Variants in TBC1D30 observed in about 807,000 individuals in gnomAD.
TBC1D30 encodes the protein TBC1 domain family, member 30.
In TBC1D30, 31 loss-of-function variants were observed where a neutral mutation model predicts 63.2. The ratio of observed to expected loss-of-function variants is 0.49; its 90% CI spans 0.37 to 0.66. The LOEUF (loss-of-function observed/expected upper bound fraction) is 0.66, where lower values mean the gene tolerates loss of function less well. TBC1D30 is among the 30% of genes least tolerant of loss of function. TBC1D30 has a pLI of 0.00. For synonymous variants in TBC1D30, 307 were observed against 361.5 expected (o/e 0.85, Z 1.71); for missense variants, 810 against 953.6 (o/e 0.85, Z 1.98).
intron 1 of TBC1D30, among the ~76,000 whole-genome samples, chr12:64,767,341 C>G (rs1186286918): frequency 6.6e-6 from 1 of 151,760 alleles, no homozygotes; most frequent in South Asian, 2.1e-4. Context: ...CCAGTCTGGC[C>G]CCTGCAGAAA....
At chr12:64,760,585 T>C (rs1870465595) in intron 1 of TBC1D30, among the ~76,000 whole-genome samples, 1 of 151,920 alleles carries the variant, frequency 6.6e-6, no homozygotes, top group South Asian at 2.1e-4. Context: ...ATCACAGAGA[T>C]ATTCCTGGCA....
intron 2 of TBC1D30, among the ~76,000 whole-genome samples, chr12:64,795,028 C>T (rs547989074): frequency 6.6e-6 from 1 of 152,258 alleles, no homozygotes; most frequent in African/African-American, 2.4e-5. Context: ...TATTTAGAAG[C>T]TTTCCTTAGA....
chr12:64,783,295 G>C (rs768550893), intron 1 of TBC1D30, among the ~76,000 whole-genome samples: 1 of 152,080 alleles, frequency 6.6e-6, no homozygotes, highest in East Asian at 1.9e-4. Context: ...ATATCCGGCC[G>C]CAGTTCCTTA....
chr12:64,826,008 C>G (rs972394093), intron 1 of TBC1D30, among the ~76,000 whole-genome samples: 1 of 152,292 alleles, frequency 6.6e-6, no homozygotes, highest in Admixed American at 6.5e-5. Context: ...CTTTGTTGTT[C>G]TCCCCTAGGA....
chr12:64,869,111 C>T lies in TBC1D30; in HGVS notation c.1292-1491C>T, dbSNP rs1878451221. ...TTTTCTTTTAGGATATTTATTCTAC[C>T]TCTTCTAGTTTGAAGACCATTCTCC... On this transcript the variant is annotated intron_variant, in intron 10 of 11. Transcript: ENST00000539867. Among the ~76,000 whole-genome samples, 3 of 152,118 alleles carry T rather than the reference C, an allele frequency of 2.0e-5. No homozygotes were observed. The South Asian group carries it at 6.2e-4, about 32-fold the overall frequency.
chr12:64,875,818 A>C lies in TBC1D30; in HGVS notation c.*30A>C. Reference sequence around the variant, plus strand: ...TCCCCGAAACTTTGTATCTGGACTCACCTTTTCACAGTAGTATAAGGGTTG... The same window carrying C: ...TCCCCGAAACTTTGTATCTGGACTCCCCTTTTCACAGTAGTATAAGGGTTG... On this transcript the variant is annotated 3_prime_UTR_variant, in exon 12 of 12. Coordinates refer to ENST00000539867, the MANE Select transcript of TBC1D30 (RefSeq NM_015279.2). 6.7e-7 allele frequency: 1 copy of C among 1,500,966 alleles called. No individual in the cohort carries two copies. Among genetic ancestry groups the C allele is most frequent in the Non-Finnish European group, 8.8e-7 (1 of 1,131,246 alleles). The allele number at this position is 1,500,966 out of a possible 1,614,324, so 93.0% of individuals were successfully genotyped here.
In TBC1D30 at chr12:64,839,794, A is replaced by G. The variant is rs564493505; in HGVS notation, c.932+943A>G. Among the ~76,000 whole-genome samples the G allele has an allele frequency of 1.2e-4, 18 of 152,206 alleles. No homozygotes were observed. The East Asian group carries it at 3.3e-3, about 28-fold the overall frequency. ...GGCTGAGGCAGTGGGTCACGAGTTCAGGAGATCGAGACCATCCTGACTAAC... is the reference window on the plus strand; with the variant it reads ...GGCTGAGGCAGTGGGTCACGAGTTCGGGAGATCGAGACCATCCTGACTAAC... On this transcript the variant is annotated intron_variant, in intron 7 of 11. Transcript: ENST00000539867.
intron 4 of TBC1D30, among the ~76,000 whole-genome samples, chr12:64,831,292 AT>A (rs1268407806): frequency 6.6e-5 from 10 of 152,232 alleles, no homozygotes; most frequent in African/African-American, 2.4e-4. Flanking sequence ...TAAAAAAGTT[AT>A]GCAATTTTAC....
chr12:64,817,374 A>T (rs1254640592), intron 2 of TBC1D30, among the ~76,000 whole-genome samples: 3 of 152,236 alleles, frequency 2.0e-5, no homozygotes, highest in African/African-American at 7.2e-5. Flanking sequence ...ACTGAAACCC[A>T]GACATTAAGT....
chr12:64,825,041 C>T lies in TBC1D30; in HGVS notation c.154+8C>T. 2 of 1,529,544 alleles carry T rather than the reference C, an allele frequency of 1.3e-6. No individual in the cohort carries two copies. Among genetic ancestry groups the T allele is most frequent in the Non-Finnish European group, 1.7e-6 (2 of 1,144,228 alleles). The allele number at this position is 1,529,544 out of a possible 1,614,324, so 94.7% of individuals were successfully genotyped here. On this transcript the variant is annotated splice_region_variant and intron_variant, in intron 1 of 11. Coordinates refer to ENST00000539867, the MANE Select transcript of TBC1D30 (RefSeq NM_015279.2). ...TGTGCACCCTGGAGCCGGGTGAGGA[C>T]CCCAGGGCTGCAGATGGGGCGCTGT...
chr12:64,872,187 C>G (rs1055394643), intron 11 of TBC1D30, among the ~76,000 whole-genome samples: 1 of 152,128 alleles, frequency 6.6e-6, no homozygotes, highest in African/African-American at 2.4e-5. Flanking sequence ...ACCACCATGC[C>G]TGGCTGATTC....
chr12:64,774,501 A>G (rs188165303), intron 1 of TBC1D30, among the ~76,000 whole-genome samples: 1 of 152,276 alleles, frequency 6.6e-6, no homozygotes, highest in African/African-American at 2.4e-5. Context: ...CACATTCCCT[A>G]AGGTCAAAAT....
At chr12:64,792,731 C>T (rs1389354417) in intron 2 of TBC1D30, among the ~76,000 whole-genome samples, 3 of 152,096 alleles carry the variant, frequency 2.0e-5, no homozygotes, top group Non-Finnish European at 4.4e-5. Context: ...CCACCACACC[C>T]AGCTAATTTT....
intron 3 of TBC1D30, among the ~76,000 whole-genome samples, chr12:64,829,005 C>T (rs1592602209): frequency 7.4e-6 from 1 of 134,352 alleles, no homozygotes; most frequent in Admixed American, 7.8e-5. Context: ...GGGTTGTATT[C>T]AAGCAAAGAT....
At chr12:64,837,459 A>C (rs1875466588) in intron 6 of TBC1D30, among the ~76,000 whole-genome samples, 1 of 151,658 alleles carries the variant, frequency 6.6e-6, no homozygotes, top group South Asian at 2.1e-4. Flanking sequence ...ACGGCTCATC[A>C]GGCATTAGAT....
At chr12:64,872,318 G>A (rs977704491) in intron 11 of TBC1D30, among the ~76,000 whole-genome samples, 7 of 152,140 alleles carry the variant, frequency 4.6e-5, no homozygotes, top group African/African-American at 7.2e-5. Flanking sequence ...GTGGGCCACC[G>A]CACCTGGCCT....
At chr12:64,775,076 G>A (rs1388235845) in intron 1 of TBC1D30, among the ~76,000 whole-genome samples, 2 of 149,432 alleles carry the variant, frequency 1.3e-5, no homozygotes, top group Admixed American at 1.3e-4. Context: ...CTGGGTGACA[G>A]AGTGAGACTG....
chr12:64,805,186 G>A (rs564411941), intron 2 of TBC1D30, among the ~76,000 whole-genome samples: 1 of 152,142 alleles, frequency 6.6e-6, no homozygotes, highest in African/African-American at 2.4e-5. Flanking sequence ...GGGACACAGA[G>A]AAATTGGGCC....
intron 1 of TBC1D30, among the ~76,000 whole-genome samples, chr12:64,771,898 G>A (rs542529034): frequency 6.6e-6 from 1 of 152,302 alleles, no homozygotes; most frequent in Admixed American, 6.5e-5. Context: ...CTGGAAGGAA[G>A]AAGATCAGAA....
Sources: gnomAD v4.1 joint callset for allele counts (sites outside exome capture counted in the v4.1 genomes callset) on GRCh38, gnomAD v4.1.1 for gene constraint, MANE v1.5 for transcripts, NCBI Gene and HGNC (gene_info 2026-07-23, HGNC 2026-07-21) for gene names.